AGBL1: variants seen among roughly 807,000 people sequenced by gnomAD.
AGBL1 encodes cytosolic carboxypeptidase 4.
Under a neutral mutation model 118.9 loss-of-function variants are expected in AGBL1, and 130 were observed. The observed-to-expected ratio is 1.09, with a 90% confidence interval of 0.95 to 1.26. AGBL1 has a LOEUF of 1.26. AGBL1 is among the 50% of genes most tolerant of loss of function. The pLI is 0.00. For missense variants in AGBL1, 1,584 were observed against 1,298.1 expected, an observed-to-expected ratio of 1.22 and a Z score of -3.38; for synonymous variants, 555 against 478.9, an observed-to-expected ratio of 1.16 and a Z score of -2.08.
At chr15:86,693,648 T>A (rs535158207) in intron 22 of AGBL1, among the ~76,000 whole-genome samples, 1 of 152,272 alleles carries the variant, frequency 6.6e-6, no homozygotes, top group Admixed American at 6.5e-5. Flanking sequence ...TTTGGGGAGT[T>A]CTTGGTCATA....
chr15:86,821,409 G>T (rs2078942045), intron 22 of AGBL1, among the ~76,000 whole-genome samples: 1 of 152,076 alleles, frequency 6.6e-6, no homozygotes, highest in East Asian at 1.9e-4. Flanking sequence ...CTAAGGCTAA[G>T]AATACATTTA....
At chr15:86,760,771 T>C (rs2078012046) in intron 22 of AGBL1, among the ~76,000 whole-genome samples, 1 of 152,212 alleles carries the variant, frequency 6.6e-6, no homozygotes, top group South Asian at 2.1e-4. Context: ...AGTGAGGACG[T>C]TGGCTGGTTC....
At chr15:86,197,413 GAA>G in intron 5 of AGBL1, among the ~76,000 whole-genome samples, 1 of 152,352 alleles carries the variant, frequency 6.6e-6, no homozygotes, top group South Asian at 2.1e-4. Context: ...ATGGAAATGA[GAA>G]ACAAGTTATT....
chr15:86,301,806 T>C (rs1398995316), intron 17 of AGBL1, among the ~76,000 whole-genome samples: 2 of 151,882 alleles, frequency 1.3e-5, no homozygotes, highest in Non-Finnish European at 2.9e-5. Flanking sequence ...AGGGGGAGTT[T>C]TACCCACCAT....
chr15:86,733,202 T>C (rs2077549721), intron 22 of AGBL1, among the ~76,000 whole-genome samples: 1 of 151,992 alleles, frequency 6.6e-6, no homozygotes, highest in East Asian at 1.9e-4. Context: ...TATAGTGCAG[T>C]CTGTGTCCAA....
chr15:86,455,196 G>A (rs1214682014), intron 18 of AGBL1, among the ~76,000 whole-genome samples: 1 of 152,184 alleles, frequency 6.6e-6, no homozygotes, highest in Non-Finnish European at 1.5e-5. Context: ...TTGTAATGCT[G>A]TGCCAGTATG....
At chr15:86,880,921 G>T (rs760527539) in intron 22 of AGBL1, among the ~76,000 whole-genome samples, 2 of 152,044 alleles carry the variant, frequency 1.3e-5, no homozygotes, top group East Asian at 3.9e-4. Flanking sequence ...TGAACTGACC[G>T]CCTCCTCTCC....
At chr15:86,984,662 C>A (rs1249310844) in intron 23 of AGBL1, among the ~76,000 whole-genome samples, 1 of 152,136 alleles carries the variant, frequency 6.6e-6, no homozygotes, top group Non-Finnish European at 1.5e-5. Flanking sequence ...CCACGCCCGG[C>A]CTGTTTTCTT....
chr15:86,363,621 T>A (rs1351112210), intron 17 of AGBL1, among the ~76,000 whole-genome samples: 1 of 152,160 alleles, frequency 6.6e-6, no homozygotes, highest in Non-Finnish European at 1.5e-5. Flanking sequence ...ATTCACCTAT[T>A]TTTCTTCTTT....
intron 22 of AGBL1, among the ~76,000 whole-genome samples, chr15:86,896,240 A>T (rs918097787): frequency 4.8e-4 from 73 of 152,030 alleles, no homozygotes; most frequent in African/African-American, 1.7e-3. Flanking sequence ...TAATATTTCA[A>T]GTTCGTGAGT....
intron 1 of AGBL1, among the ~76,000 whole-genome samples, chr15:86,108,952 A>G (rs1597402425): frequency 6.6e-6 from 1 of 152,172 alleles, no homozygotes; most frequent in Non-Finnish European, 1.5e-5. Context: ...GCAAGACTCC[A>G]TCTCAAACAA....
chr15:86,856,399 T>C (rs1220181965), intron 22 of AGBL1, among the ~76,000 whole-genome samples: 1 of 152,218 alleles, frequency 6.6e-6, no homozygotes, highest in South Asian at 2.1e-4. Flanking sequence ...AAAAAAACCT[T>C]ATCTACATTT....
At chr15:86,246,028 G>A (rs371214065) in intron 6 of AGBL1, among the ~76,000 whole-genome samples, 6 of 152,244 alleles carry the variant, frequency 3.9e-5, no homozygotes, top group Middle Eastern at 3.4e-3. Context: ...TGGAGCCACA[G>A]GTGCAAGCCA....
At chr15:86,941,799 G>T (rs1374661595) in intron 23 of AGBL1, among the ~76,000 whole-genome samples, 1 of 152,234 alleles carries the variant, frequency 6.6e-6, no homozygotes, top group Non-Finnish European at 1.5e-5. Context: ...AGAGCCTGAT[G>T]CAGGAGAACC....
chr15:86,204,213 A>G (rs2077953200), intron 5 of AGBL1, among the ~76,000 whole-genome samples: 1 of 152,140 alleles, frequency 6.6e-6, no homozygotes, highest in South Asian at 2.1e-4. Context: ...TACTCAGTGG[A>G]GCCAAGAAAA....
chr15:86,468,779 A>G (rs1364468252), intron 18 of AGBL1, among the ~76,000 whole-genome samples: 1 of 152,166 alleles, frequency 6.6e-6, no homozygotes, highest in Non-Finnish European at 1.5e-5. Flanking sequence ...GTATTAAAAG[A>G]GTGTTTTGTA....
intron 23 of AGBL1, among the ~76,000 whole-genome samples, chr15:86,961,633 T>C (rs370854851): frequency 2.8e-4 from 43 of 152,196 alleles, no homozygotes; most frequent in African/African-American, 1.0e-3. Context: ...CCACCTCCAT[T>C]TGGCAACATT....
chr15:87,015,307 T>C (rs892628085), intron 24 of AGBL1, among the ~76,000 whole-genome samples: 1 of 152,168 alleles, frequency 6.6e-6, no homozygotes, highest in African/African-American at 2.4e-5. Flanking sequence ...TCAGCCTCCA[T>C]AATCATGGAA....
chr15:86,480,966 A>G (rs1038704933), intron 18 of AGBL1, among the ~76,000 whole-genome samples: 1 of 152,022 alleles, frequency 6.6e-6, no homozygotes, highest in African/African-American at 2.4e-5. Flanking sequence ...TACTACTTGG[A>G]TATTCTTGAC....
Sources: allele counts gnomAD v4.1 joint callset (sites outside exome capture counted in the v4.1 genomes callset), GRCh38; gene constraint gnomAD v4.1.1; transcripts MANE v1.5; gene names NCBI Gene and HGNC (gene_info 2026-07-23, HGNC 2026-07-21).